The following SHISA9 variants were observed in gnomAD, a reference collection of about 807,000 sequenced individuals.
SHISA9 encodes the protein shisa family member 9, also known as protein shisa-9.
In SHISA9, 13 loss-of-function variants were observed where a neutral mutation model predicts 38.0. That is an observed-to-expected ratio of 0.34 (90% CI 0.22 to 0.54). The LOEUF (loss-of-function observed/expected upper bound fraction) is 0.54, where lower values mean the gene tolerates loss of function less well. Among genes scored for constraint, SHISA9 ranks in the 20% least tolerant of loss-of-function variants. The pLI is 0.91. For missense variants in SHISA9, 538 were observed against 575.8 expected (o/e 0.93, Z 0.67); for synonymous variants, 275 against 242.0 (o/e 1.14, Z -1.27).
the SHISA9 span, among the ~76,000 whole-genome samples, chr16:13,506,349 C>A: frequency 1.3e-5 from 2 of 152,096 alleles, no homozygotes; most frequent in Admixed American, 6.6e-5. Flanking sequence ...TCCATCCCAA[C>A]AGAGGTGTGT....
the SHISA9 span, among the ~76,000 whole-genome samples, chr16:13,500,698 T>C: frequency 6.6e-6 from 1 of 152,140 alleles, no homozygotes; most frequent in Admixed American, 6.5e-5. Context: ...ATGTAACTAC[T>C]GGTGTCTTAA....
the SHISA9 span, among the ~76,000 whole-genome samples, chr16:13,311,863 A>G: frequency 6.6e-6 from 1 of 152,200 alleles, no homozygotes; most frequent in Non-Finnish European, 1.5e-5. Flanking sequence ...GAGATAGATA[A>G]TAATAGTAAC....
At chr16:13,376,326 A>C in the SHISA9 span, among the ~76,000 whole-genome samples, 1 of 152,194 alleles carries the variant, frequency 6.6e-6, no homozygotes, top group African/African-American at 2.4e-5. Flanking sequence ...AATAATTTGG[A>C]GGTCTAGTCA....
intron 2 of SHISA9, among the ~76,000 whole-genome samples, chr16:13,053,666 A>G (rs929605705): frequency 2.0e-5 from 3 of 152,140 alleles, no homozygotes; most frequent in African/African-American, 7.2e-5. Flanking sequence ...TTCTTCGTGT[A>G]TCTTAAGCCC....
intron 2 of SHISA9, among the ~76,000 whole-genome samples, chr16:13,144,019 T>G (rs1181636812): frequency 6.6e-6 from 1 of 152,204 alleles, no homozygotes; most frequent in Non-Finnish European, 1.5e-5. Flanking sequence ...GGGTACCATA[T>G]GTTTGGGAGG....
intron 2 of SHISA9, among the ~76,000 whole-genome samples, chr16:13,023,752 G>C (rs561870443): frequency 6.6e-6 from 1 of 152,238 alleles, no homozygotes; most frequent in East Asian, 1.9e-4. Flanking sequence ...GTTTTGATTT[G>C]CATTTCTCTG....
chr16:13,052,255 T>C (rs1475291059), intron 2 of SHISA9, among the ~76,000 whole-genome samples: 1 of 152,184 alleles, frequency 6.6e-6, no homozygotes, highest in African/African-American at 2.4e-5. Flanking sequence ...TCTGCTTTTG[T>C]TAGTGATTTA....
intron 2 of SHISA9, among the ~76,000 whole-genome samples, chr16:13,196,269 T>C (rs2819690): frequency 0.52 from 77,552 of 149,196 alleles, 21,408 homozygotes; most frequent in African/African-American, 0.72. Context: ...AGGTGGCGCG[T>C]GCCTGTAGTT....
chr16:13,417,256 A>G, the SHISA9 span, among the ~76,000 whole-genome samples: 6 of 152,156 alleles, frequency 3.9e-5, no homozygotes, highest in Non-Finnish European at 7.4e-5. Flanking sequence ...GAAAGGTGAT[A>G]TGTTTCATAT....
the SHISA9 span, among the ~76,000 whole-genome samples, chr16:13,374,554 C>G: frequency 4.6e-5 from 7 of 152,126 alleles, no homozygotes; most frequent in Non-Finnish European, 7.4e-5. Context: ...TTTTCTTAAT[C>G]CAGTCTATCA....
the SHISA9 span, among the ~76,000 whole-genome samples, chr16:13,524,615 G>C: frequency 2.8e-4 from 42 of 152,188 alleles, no homozygotes; most frequent in African/African-American, 9.2e-4. Context: ...CTGGAGTGTA[G>C]TGGTGTGAGC....
chr16:13,374,000 T>C, the SHISA9 span, among the ~76,000 whole-genome samples: 2 of 152,088 alleles, frequency 1.3e-5, no homozygotes, highest in African/African-American at 4.8e-5. Context: ...TAATGATCAC[T>C]TGGGGAAGAA....
At chr16:13,387,724 G>T in the SHISA9 span, among the ~76,000 whole-genome samples, 2 of 152,022 alleles carry the variant, frequency 1.3e-5, no homozygotes, top group Non-Finnish European at 2.9e-5. Flanking sequence ...TCCTGACCTG[G>T]TGATCTGCCC....
intron 2 of SHISA9, among the ~76,000 whole-genome samples, chr16:13,101,371 G>A (rs908053627): frequency 6.6e-6 from 1 of 152,144 alleles, no homozygotes; most frequent in Non-Finnish European, 1.5e-5. Flanking sequence ...AAAACATCAA[G>A]TGGTATACCC....
the SHISA9 span, among the ~76,000 whole-genome samples, chr16:13,499,387 A>G: frequency 6.6e-6 from 1 of 152,356 alleles, no homozygotes; most frequent in Non-Finnish European, 1.5e-5. Flanking sequence ...CTCTGTAAGA[A>G]TACACAAAGG....
chr16:13,079,092 C>T (rs1160444137), intron 2 of SHISA9, among the ~76,000 whole-genome samples: 1 of 152,182 alleles, frequency 6.6e-6, no homozygotes, highest in East Asian at 1.9e-4. Flanking sequence ...ATAGAACTTT[C>T]CTCAGATAAT....
the SHISA9 span, among the ~76,000 whole-genome samples, chr16:13,326,442 C>T: frequency 2.0e-5 from 3 of 152,160 alleles, no homozygotes; most frequent in Non-Finnish European, 2.9e-5. Flanking sequence ...AAGTCCCCAC[C>T]GGGTGCAGTG....
the SHISA9 span, among the ~76,000 whole-genome samples, chr16:13,497,685 C>CAAAAAAAAAAAAAA: frequency 9.4e-6 from 1 of 106,356 alleles, no homozygotes; most frequent in Non-Finnish European, 1.9e-5. Flanking sequence ...ACTCCGTCTC[C>CAAAAAAAAAAAAAA]AAAAAAAAAA....
the SHISA9 span, among the ~76,000 whole-genome samples, chr16:13,287,702 T>C: frequency 2.6e-5 from 4 of 152,100 alleles, no homozygotes; most frequent in East Asian, 7.7e-4. Context: ...GTTTTGGATG[T>C]AGAGCATAGA....
Sources: allele counts gnomAD v4.1 joint callset (sites outside exome capture counted in the v4.1 genomes callset), GRCh38; gene constraint gnomAD v4.1.1; transcripts MANE v1.5; gene names NCBI Gene and HGNC (gene_info 2026-07-23, HGNC 2026-07-21).